PFKFB3: variants seen among roughly 807,000 people sequenced by gnomAD.
PFKFB3 encodes 6-phosphofructo-2-kinase/fructose-2,6-bisphosphatase 3.
PFKFB3 carries 33 observed loss-of-function variants against 68.0 expected under a neutral mutation model. The observed-to-expected ratio is 0.49, with a 90% confidence interval of 0.37 to 0.65. The LOEUF (loss-of-function observed/expected upper bound fraction) is 0.65, where lower values mean the gene tolerates loss of function less well. Ranked by LOEUF, PFKFB3 falls within the 30% of genes least tolerant of loss-of-function variation. PFKFB3 has a pLI of 0.00. For synonymous variants in PFKFB3, 315 were observed against 288.2 expected (o/e 1.09, Z -0.94); for missense variants, 586 against 712.2 (o/e 0.82, Z 2.02).
At chr10:6,176,256 G>T (rs1057315473) in intron 1 of PFKFB3, among the ~76,000 whole-genome samples, 5 of 152,158 alleles carry the variant, frequency 3.3e-5, no homozygotes, top group Admixed American at 3.3e-4. Context: ...GTCTGTATCC[G>T]ATGTCAAGAC....
intron 1 of PFKFB3, among the ~76,000 whole-genome samples, chr10:6,184,553 C>T (rs1588438349): frequency 6.6e-6 from 1 of 150,898 alleles, no homozygotes; most frequent in African/African-American, 2.4e-5. Context: ...TCACTGCAAC[C>T]TCTGCCTCCC....
chr10:6,240,399 G>T (rs564235001), downstream of PFKFB3, among the ~76,000 whole-genome samples: 2 of 151,986 alleles, frequency 1.3e-5, no homozygotes, highest in South Asian at 4.2e-4. Context: ...CTAGTAGGTG[G>T]GATTACAGGT....
intron 6 of PFKFB3, among the ~76,000 whole-genome samples, chr10:6,218,136 G>A (rs1464651190): frequency 1.3e-5 from 2 of 152,174 alleles, no homozygotes; most frequent in Non-Finnish European, 2.9e-5. Flanking sequence ...TTCTTTGGCT[G>A]GGCACTCGTT....
At chr10:6,196,587 A>G (rs1843181689) in intron 1 of PFKFB3, among the ~76,000 whole-genome samples, 2 of 152,210 alleles carry the variant, frequency 1.3e-5, no homozygotes, top group South Asian at 2.1e-4. Context: ...GGCAGGAAGC[A>G]TTCAGCACAG....
At chr10:6,236,888 G>A (rs11257482), downstream of PFKFB3, among the ~76,000 whole-genome samples, 81,528 of 152,010 alleles carry the variant, frequency 0.54, 23,011 homozygotes, top group Middle Eastern at 0.68. Context: ...GACTAAATAC[G>A]GAAGATTCAG....
chr10:6,187,902 C>T (rs1842913656), intron 1 of PFKFB3, among the ~76,000 whole-genome samples: 1 of 152,096 alleles, frequency 6.6e-6, no homozygotes, highest in Non-Finnish European at 1.5e-5. Context: ...CACCTAGATT[C>T]TGCAAGTGTT....
chr10:6,240,772 G>A (rs2132073502), intron 14 of PFKFB3, among the ~76,000 whole-genome samples: 1 of 152,246 alleles, frequency 6.6e-6, no homozygotes, highest in South Asian at 2.1e-4. Flanking sequence ...CCGTTTTTCT[G>A]TTTCAGCATC....
chr10:6,206,578 G>A (rs1843728850), intron 1 of PFKFB3, among the ~76,000 whole-genome samples: 2 of 135,022 alleles, frequency 1.5e-5, no homozygotes, highest in African/African-American at 3.4e-5. Flanking sequence ...GGCCGGGCAG[G>A]GGCTGACCCC....
chr10:6,229,758 T>C lies in PFKFB3; in HGVS notation c.1516-3137T>C, dbSNP rs1477103498. Among the ~76,000 whole-genome samples the C allele has an allele frequency of 6.6e-6, 1 of 152,192 alleles. No homozygotes were observed. The highest frequency in any genetic ancestry group is 2.4e-5 in the African/African-American group (1 of 41,432). On this transcript the variant is annotated intron_variant, in intron 14 of 14. Coordinates refer to ENST00000379775, the MANE Select transcript of PFKFB3 (RefSeq NM_004566.4). This position sits in a 1 kb window ranked among gnomAD's most constrained non-coding sequence, Gnocchi z 4.3. ...CTTTAGACCAGCAGTCCCCGACCTT[T>C]TTGGTACCAGGGACCCGTTTCGTGG...
intron 1 of PFKFB3, among the ~76,000 whole-genome samples, chr10:6,149,139 C>T (rs1214356106): frequency 1.3e-5 from 2 of 151,594 alleles, no homozygotes; most frequent in African/African-American, 2.4e-5. Context: ...GTGATGGAGG[C>T]GTGGCTCTAA....
the PFKFB3 span, among the ~76,000 whole-genome samples, chr10:6,311,993 G>C: frequency 6.6e-6 from 1 of 152,180 alleles, no homozygotes; most frequent in African/African-American, 2.4e-5. Flanking sequence ...ATTTAAAGAG[G>C]GCCTTGTTCA....
chr10:6,252,224 T>C (rs1352847460), intron 14 of PFKFB3, among the ~76,000 whole-genome samples: 2 of 152,340 alleles, frequency 1.3e-5, no homozygotes, highest in African/African-American at 4.8e-5. Flanking sequence ...TACATCCAAC[T>C]CTATTTTATC....
At chr10:6,318,152 T>G in the PFKFB3 span, among the ~76,000 whole-genome samples, 2 of 152,162 alleles carry the variant, frequency 1.3e-5, no homozygotes, top group Admixed American at 6.5e-5. Flanking sequence ...TGCAGTGCAC[T>G]CCTCTTTCTG....
At chr10:6,281,329 T>A in the PFKFB3 span, among the ~76,000 whole-genome samples, 1 of 151,706 alleles carries the variant, frequency 6.6e-6, no homozygotes. Flanking sequence ...CCAGCCTGAC[T>A]CAGTTTAACT....
the PFKFB3 span, among the ~76,000 whole-genome samples, chr10:6,267,334 T>C: frequency 6.6e-6 from 1 of 152,278 alleles, no homozygotes; most frequent in African/African-American, 2.4e-5. Context: ...TACGTACTAA[T>C]GAGTGAGGAA....
At chr10:6,189,085 C>T (rs934510535) in intron 1 of PFKFB3, among the ~76,000 whole-genome samples, 9 of 152,206 alleles carry the variant, frequency 5.9e-5, no homozygotes, top group Non-Finnish European at 7.4e-5. Context: ...GTGATCCGCC[C>T]GCCTTGGCCT....
intron 1 of PFKFB3, among the ~76,000 whole-genome samples, chr10:6,205,155 C>T (rs570750228): frequency 6.6e-6 from 1 of 152,158 alleles, no homozygotes; most frequent in African/African-American, 2.4e-5. Context: ...TGCTGGTATC[C>T]TCCTGTGTGG....
At chr10:6,227,637 C>A (rs756298286) in intron 14 of PFKFB3, among the ~76,000 whole-genome samples, 1 of 152,182 alleles carries the variant, frequency 6.6e-6, no homozygotes. Flanking sequence ...CGCGTAGACA[C>A]GGTGAGGTGG....
At chr10:6,267,948 C>T in the PFKFB3 span, among the ~76,000 whole-genome samples, 2 of 81,382 alleles carry the variant, frequency 2.5e-5, no homozygotes, top group African/African-American at 9.1e-5. Flanking sequence ...GAGCGAGACC[C>T]TATCTCAAAA....
Sources: gnomAD v4.1 joint callset for allele counts (sites outside exome capture counted in the v4.1 genomes callset) on GRCh38, gnomAD v4.1.1 for gene constraint, Gnocchi (gnomAD v3.1) non-coding constraint, MANE v1.5 for transcripts, NCBI Gene and HGNC (gene_info 2026-07-23, HGNC 2026-07-21) for gene names.